CERS3: variants seen among roughly 807,000 people sequenced by gnomAD.
CERS3 encodes the protein LAG1 homolog, ceramide synthase 3.
Under a neutral mutation model 50.3 loss-of-function variants are expected in CERS3, and 33 were observed. That is an observed-to-expected ratio of 0.66 (90% CI 0.50 to 0.88). CERS3 has a LOEUF of 0.88. Ranked by LOEUF, CERS3 falls within the 40% of genes least tolerant of loss-of-function variation. The probability of loss-of-function intolerance (pLI) is 0.00; values close to 1 mark genes in which losing one functional copy is unlikely to be tolerated. For missense variants in CERS3, 470 were observed against 460.3 expected (o/e 1.02, Z -0.19); for synonymous variants, 176 against 155.2 (o/e 1.13, Z -0.99).
chr15:100,531,708 G>T (rs1027375780), upstream of CERS3, among the ~76,000 whole-genome samples: 11 of 152,224 alleles, frequency 7.2e-5, no homozygotes, highest in Admixed American at 5.9e-4. Flanking sequence ...ATGCATGCAC[G>T]TGGGTATCAT....
chr15:100,501,336 C>T (rs2035989892), intron 3 of CERS3, among the ~76,000 whole-genome samples: 1 of 152,192 alleles, frequency 6.6e-6, no homozygotes, highest in Non-Finnish European at 1.5e-5. Context: ...TGGGAATGCA[C>T]ATGCATTGTC....
chr15:100,414,819 T>TAAAAAAAA (rs143114640), intron 11 of CERS3, among the ~76,000 whole-genome samples: 6 of 141,244 alleles, frequency 4.2e-5, no homozygotes, highest in South Asian at 2.2e-4. Flanking sequence ...CCAAAATGAT[T>TAAAAAAAA]AAAAAAAAAA....
intron 10 of CERS3, among the ~76,000 whole-genome samples, chr15:100,463,250 C>A (rs1448702778): frequency 1.3e-5 from 2 of 151,872 alleles, no homozygotes; most frequent in African/African-American, 4.8e-5. Context: ...TCCTGGCCAA[C>A]ATGGTGAAAC....
chr15:100,448,265 C>T (rs1043348661), intron 11 of CERS3, among the ~76,000 whole-genome samples: 3 of 152,144 alleles, frequency 2.0e-5, no homozygotes. Context: ...AGTAGATAAT[C>T]ACACTTTGAA....
chr15:100,453,400 T>C (rs2034243287), intron 11 of CERS3, among the ~76,000 whole-genome samples: 1 of 152,156 alleles, frequency 6.6e-6, no homozygotes, highest in South Asian at 2.1e-4. Flanking sequence ...GAATAAAATC[T>C]ATATGATCAT....
intron 11 of CERS3, among the ~76,000 whole-genome samples, chr15:100,443,494 A>G (rs1183887529): frequency 2.0e-5 from 3 of 148,940 alleles, no homozygotes; most frequent in Non-Finnish European, 3.0e-5. Flanking sequence ...ATACTCTCCT[A>G]TCCTCAATAC....
chr15:100,402,993 C>A (rs145873924), intron 11 of CERS3, 128 bp from the exon 12 acceptor site: 1 of 893,128 alleles, frequency 1.1e-6, no homozygotes, highest in African/African-American at 1.7e-5. Flanking sequence ...ACTAAACATT[C>A]ACCAAGATTG....
At chr15:100,507,934 T>C (rs1158604847) in intron 2 of CERS3, among the ~76,000 whole-genome samples, 3 of 152,252 alleles carry the variant, frequency 2.0e-5, no homozygotes, top group African/African-American at 7.2e-5. Context: ...GTCTAGTCCA[T>C]CAGCCTTCCT....
chr15:100,453,785 A>G (rs2142190988), intron 11 of CERS3, among the ~76,000 whole-genome samples: 1 of 152,326 alleles, frequency 6.6e-6, no homozygotes, highest in Admixed American at 6.5e-5. Context: ...AGATCTGATA[A>G]ATAAATTCAG....
At chr15:100,417,573 C>T (rs2032041294) in intron 11 of CERS3, among the ~76,000 whole-genome samples, 3 of 152,026 alleles carry the variant, frequency 2.0e-5, no homozygotes, top group Non-Finnish European at 4.4e-5. Flanking sequence ...CTGGGTGGAG[C>T]CCACCACAGC....
intron 11 of CERS3, among the ~76,000 whole-genome samples, chr15:100,441,687 G>A (rs2033687462): frequency 6.6e-6 from 1 of 152,040 alleles, no homozygotes; most frequent in South Asian, 2.1e-4. Flanking sequence ...GTTCCAAATA[G>A]CCAGAAAATG....
At chr15:100,502,672 C>G (rs1442116799) in intron 2 of CERS3, among the ~76,000 whole-genome samples, 4 of 152,208 alleles carry the variant, frequency 2.6e-5, no homozygotes, top group Non-Finnish European at 5.9e-5. Context: ...TATTAAGATT[C>G]TGTTATTTGT....
intron 11 of CERS3, among the ~76,000 whole-genome samples, chr15:100,449,485 G>A (rs906432759): frequency 5.9e-5 from 9 of 152,194 alleles, no homozygotes; most frequent in African/African-American, 2.2e-4. Context: ...TAACACTAGT[G>A]CCCAAGGACA....
At chr15:100,479,243 T>A (rs2035226643) in intron 7 of CERS3, among the ~76,000 whole-genome samples, 185 bp downstream of exon 7, 1 of 152,046 alleles carries the variant, frequency 6.6e-6, no homozygotes, top group Non-Finnish European at 1.5e-5. Flanking sequence ...TTACATTAAC[T>A]GTAAACAAAC....
At chr15:100,425,843 T>C (rs1024707283) in intron 11 of CERS3, 3 of 152,144 alleles carry the variant, frequency 2.0e-5, no homozygotes, top group African/African-American at 7.2e-5. Flanking sequence ...TAATTCTGAA[T>C]GTTGGAGGAG....
intron 11 of CERS3, among the ~76,000 whole-genome samples, chr15:100,432,771 G>A (rs890861891): frequency 2.0e-5 from 3 of 152,068 alleles, no homozygotes; most frequent in Non-Finnish European, 2.9e-5. Context: ...ACGTACGTTC[G>A]AAAGAATTGT....
chr15:100,503,702 G>A (rs2036079501), intron 2 of CERS3: 1 of 470,840 alleles, frequency 2.1e-6, no homozygotes, highest in African/African-American at 2.0e-5. Flanking sequence ...CTTCACCCGG[G>A]CACATGCCTG....
rs781730763 is a variant in CERS3, at chr15:100,469,444, C to T, written c.779G>A (p.Cys260Tyr). 1.2e-6 allele frequency: 2 copies of T among 1,614,058 alleles called. No individual in the cohort carries two copies. The highest frequency in any genetic ancestry group is 1.7e-6 in the Non-Finnish European group (2 of 1,179,938). Reference sequence around the variant, plus strand: ...GGAGAAGATGAAAAACAGGGTGTTACAGGTCTGCGTCCATCCAGCATAAGA... The same window carrying T: ...GGAGAAGATGAAAAACAGGGTGTTATAGGTCTGCGTCCATCCAGCATAAGA... ...MFSYAGWTQT[C>Y]NTLFFIFSTI... is the part of the protein sequence containing the mutation. Residue 260 changes from cysteine to tyrosine, a missense_variant, in exon 10 of 12, where the codon TGT becomes TAT. Cys to Tyr is a radical substitution (Grantham distance 194). Coordinates refer to ENST00000679737, the MANE Select transcript of CERS3 (RefSeq NM_001378789.1).
At chr15:100,516,070 C>T (rs897842292) in intron 2 of CERS3, among the ~76,000 whole-genome samples, 1 of 152,162 alleles carries the variant, frequency 6.6e-6, no homozygotes, top group Non-Finnish European at 1.5e-5. Flanking sequence ...CTGGTTCTGT[C>T]TCAGTTTTCC....
Sources: gnomAD v4.1 joint callset for allele counts (sites outside exome capture counted in the v4.1 genomes callset) on GRCh38, gnomAD v4.1.1 for gene constraint, MANE v1.5 for transcripts, NCBI Gene and HGNC (gene_info 2026-07-23, HGNC 2026-07-21) for gene names.